TBC1D5: variants seen among roughly 807,000 people sequenced by gnomAD.
TBC1D5 encodes the protein TBC1 domain family member 5.
In TBC1D5, 75 loss-of-function variants were observed where a neutral mutation model predicts 100.3. The observed-to-expected ratio is 0.75, with a 90% confidence interval of 0.62 to 0.91. The LOEUF (loss-of-function observed/expected upper bound fraction) is 0.91, where lower values mean the gene tolerates loss of function less well. Among genes scored for constraint, TBC1D5 ranks in the 40% least tolerant of loss-of-function variants. TBC1D5 has a pLI of 0.00. For missense variants in TBC1D5, 910 were observed against 942.4 expected (o/e 0.97, Z 0.45); for synonymous variants, 323 against 325.6 (o/e 0.99, Z 0.09).
intron 2 of TBC1D5, among the ~76,000 whole-genome samples, chr3:17,572,310 A>AT (rs2153509490): frequency 6.6e-6 from 1 of 151,952 alleles, no homozygotes; most frequent in African/African-American, 2.4e-5. Context: ...CAGTTAAAAA[A>AT]AAAAAAGAGC....
At chr3:17,529,602 A>C (rs999833788) in intron 2 of TBC1D5, among the ~76,000 whole-genome samples, 2 of 152,064 alleles carry the variant, frequency 1.3e-5, no homozygotes, top group African/African-American at 4.8e-5. Flanking sequence ...GGACAAGGAA[A>C]ATGCCTAACA....
intron 18 of TBC1D5, among the ~76,000 whole-genome samples, chr3:17,212,991 T>C (rs1576004410): frequency 6.6e-6 from 1 of 152,282 alleles, no homozygotes; most frequent in South Asian, 2.1e-4. Flanking sequence ...ACAATAATCC[T>C]AGACCTTCAC....
At chr3:17,272,669 T>G (rs1323656958) in intron 15 of TBC1D5, among the ~76,000 whole-genome samples, 1 of 152,228 alleles carries the variant, frequency 6.6e-6, no homozygotes, top group Non-Finnish European at 1.5e-5. Flanking sequence ...AGCCAGGAAC[T>G]GAACCCAGTT....
At chr3:17,332,690 A>C in intron 13 of TBC1D5, among the ~76,000 whole-genome samples, 1 of 152,148 alleles carries the variant, frequency 6.6e-6, no homozygotes. Flanking sequence ...GAAGGGGGGT[A>C]ATTCAGGAAA....
At position 17,531,748 on chromosome 3, in the gene TBC1D5, T is replaced by A. The variant is rs2096229066; in HGVS notation, c.-35-23143A>T. On this transcript the variant is annotated intron_variant, in intron 2 of 21. Coordinates refer to ENST00000253692, the Ensembl canonical transcript of TBC1D5. ...AAGCAATGGGGAAAGGATTCCCTAT[T>A]TAATAAATGGTGCTGGGAAAACTGG... Among the ~76,000 whole-genome samples, 5 of 152,314 alleles carry A rather than the reference T, an allele frequency of 3.3e-5. No homozygotes were observed. In the South Asian group the frequency reaches 1.0e-3, roughly 32 times the overall value.
intron 18 of TBC1D5, among the ~76,000 whole-genome samples, chr3:17,192,346 T>C (rs1480993060): frequency 6.6e-6 from 1 of 151,796 alleles, no homozygotes; most frequent in Non-Finnish European, 1.5e-5. Flanking sequence ...ATAGAGAAAC[T>C]TCTATGAAAT....
upstream of TBC1D5, among the ~76,000 whole-genome samples, chr3:17,741,136 G>C (rs539748867): frequency 6.6e-6 from 1 of 152,236 alleles, no homozygotes; most frequent in East Asian, 1.9e-4. Flanking sequence ...CTCAAAGATA[G>C]TCCCTTGTCC....
chr3:17,724,758 C>G (rs936350243), intron 1 of TBC1D5, among the ~76,000 whole-genome samples: 1 of 152,090 alleles, frequency 6.6e-6, no homozygotes, highest in Non-Finnish European at 1.5e-5. Flanking sequence ...AGACATGTCA[C>G]TTTCTCATTT....
chr3:17,290,266 G>C (rs1575153458), intron 15 of TBC1D5, among the ~76,000 whole-genome samples: 1 of 152,020 alleles, frequency 6.6e-6, no homozygotes, highest in Non-Finnish European at 1.5e-5. Context: ...ATATGTACAC[G>C]ACTTTATTGA....
chr3:17,694,721 C>T (rs1409992663), intron 1 of TBC1D5, among the ~76,000 whole-genome samples: 1 of 152,206 alleles, frequency 6.6e-6, no homozygotes, highest in Non-Finnish European at 1.5e-5. Context: ...GGCAGGCCAA[C>T]ATTCAAATTC....
intron 8 of TBC1D5, among the ~76,000 whole-genome samples, chr3:17,395,742 T>G (rs975033982): frequency 1.3e-5 from 2 of 152,094 alleles, no homozygotes; most frequent in African/African-American, 4.8e-5. Flanking sequence ...TTCCGAAGAT[T>G]AGGAGCACCA....
At chr3:17,560,997 A>T (rs2096555286) in intron 2 of TBC1D5, among the ~76,000 whole-genome samples, 1 of 152,162 alleles carries the variant, frequency 6.6e-6, no homozygotes, top group Non-Finnish European at 1.5e-5. Flanking sequence ...ACGCACACCT[A>T]AGTCACAAAA....
chr3:17,527,383 G>A (rs780281622), intron 2 of TBC1D5, among the ~76,000 whole-genome samples: 10 of 152,130 alleles, frequency 6.6e-5, no homozygotes, highest in African/African-American at 2.2e-4. Context: ...GAGATACTGG[G>A]GGAAAAAGAA....
At chr3:17,542,011 AGG>A (rs2096362802) in intron 2 of TBC1D5, among the ~76,000 whole-genome samples, 1 of 152,194 alleles carries the variant, frequency 6.6e-6, no homozygotes, top group Non-Finnish European at 1.5e-5. Context: ...ATTATGACCA[AGG>A]GTGGTAGCTC....
chr3:17,310,162 A>C (rs894866084), intron 13 of TBC1D5, among the ~76,000 whole-genome samples: 4 of 152,084 alleles, frequency 2.6e-5, no homozygotes, highest in African/African-American at 9.7e-5. Context: ...CTGCCCAGTT[A>C]TTCCTCAAAC....
intron 2 of TBC1D5, among the ~76,000 whole-genome samples, chr3:17,612,476 G>T (rs962247321): frequency 1.3e-5 from 2 of 151,404 alleles, no homozygotes; most frequent in Non-Finnish European, 2.9e-5. Flanking sequence ...AAAAAAATAC[G>T]AAAATTAGTC....
chr3:17,248,678 A>G (rs1034238765), intron 16 of TBC1D5, among the ~76,000 whole-genome samples: 3 of 152,196 alleles, frequency 2.0e-5, no homozygotes, highest in Non-Finnish European at 4.4e-5. Context: ...AGTCAGAAGT[A>G]GTATTTTGAA....
chr3:17,261,434 G>A (rs903834679), intron 15 of TBC1D5, among the ~76,000 whole-genome samples: 1 of 116,236 alleles, frequency 8.6e-6, no homozygotes, highest in East Asian at 2.9e-4. Flanking sequence ...TTATGCAATC[G>A]AAATATTTTA....
At chr3:17,225,802 C>A (rs2074823213) in intron 17 of TBC1D5, among the ~76,000 whole-genome samples, 1 of 151,870 alleles carries the variant, frequency 6.6e-6, no homozygotes, top group Non-Finnish European at 1.5e-5. Context: ...CATGATTGCA[C>A]CACTGTACTC....
Sources: allele counts gnomAD v4.1 joint callset (sites outside exome capture counted in the v4.1 genomes callset), GRCh38; gene constraint gnomAD v4.1.1; transcripts MANE v1.5; gene names NCBI Gene and HGNC (gene_info 2026-07-23, HGNC 2026-07-21).